The following GPLD1 variants were observed in gnomAD, a reference collection of about 807,000 sequenced individuals.
GPLD1 encodes phosphatidylinositol-glycan-specific phospholipase D.
A neutral mutation model predicts 112.6 loss-of-function variants in GPLD1; 84 were observed. The observed-to-expected ratio is 0.75, with a 90% CI of 0.63 to 0.89. The LOEUF is 0.89. Ranked by LOEUF, GPLD1 falls within the 40% of genes least tolerant of loss-of-function variation. The pLI, the probability that GPLD1 is intolerant of heterozygous loss-of-function variation, is 0.00. For synonymous variants in GPLD1, 386 were observed against 403.8 expected, an observed-to-expected ratio of 0.96 and a Z score of 0.53; for missense variants, 1,044 against 1,051.5, an observed-to-expected ratio of 0.99 and a Z score of 0.10.
chr6:24,494,837 G>C (rs1037368657), intron 1 of GPLD1: 1 of 809,086 alleles, frequency 1.2e-6, no homozygotes, highest in African/African-American at 1.8e-5. Flanking sequence ...AAGACGCGGA[G>C]AGAGGGCGCT....
At position 24,433,407 on chromosome 6, in the gene GPLD1, G is replaced by C. The variant is rs756146601; in HGVS notation, c.2359-18C>G. ...TATTGGGCCTGAAGAAAAAAATTGAGGAGAGAGACAATGTTATTACTGTTT... is the reference window on the plus strand; with the variant it reads ...TATTGGGCCTGAAGAAAAAAATTGACGAGAGAGACAATGTTATTACTGTTT... On this transcript the variant is annotated intron_variant, in intron 22 of 24. Transcript: ENST00000230036. The C allele has an allele frequency of 8.9e-6, 14 of 1,578,832 alleles. No homozygotes were observed. Among genetic ancestry groups the C allele is most frequent in the Middle Eastern group, 1.8e-4 (1 of 5,692 alleles).
intron 1 of GPLD1, 114 bp from the exon 2 acceptor site, chr6:24,486,244 G>A (rs1581791737): frequency 2.7e-5 from 19 of 705,020 alleles, no homozygotes; most frequent in Middle Eastern, 3.4e-4. Context: ...TGTCAAGGAC[G>A]CAGGAAATGA....
intron 2 of GPLD1, among the ~76,000 whole-genome samples, chr6:24,485,508 TATC>T (rs1481589837): frequency 6.6e-6 from 1 of 152,078 alleles, no homozygotes; most frequent in Admixed American, 6.5e-5. Context: ...TTATGAGTCA[TATC>T]ATTAAAATCT....
rs1762269401 is a variant in GPLD1, at chr6:24,427,352, A to G, written c.*1680T>C. Reference sequence around the variant, plus strand: ...GGCTCAGGCCACATCTTTTCCCTCTAGTTCTTTTGGCACAAGTTGTAACCT... The same window carrying G: ...GGCTCAGGCCACATCTTTTCCCTCTGGTTCTTTTGGCACAAGTTGTAACCT... On this transcript the variant is annotated 3_prime_UTR_variant, in exon 25 of 25. Coordinates refer to ENST00000230036, the MANE Select transcript of GPLD1 (RefSeq NM_001503.4). Among the ~76,000 whole-genome samples, 1 of 152,130 alleles carries G rather than the reference A, an allele frequency of 6.6e-6. No homozygotes were observed. Among genetic ancestry groups the G allele is most frequent in the African/African-American group, 2.4e-5 (1 of 41,420 alleles).
In GPLD1 at chr6:24,446,922, C is replaced by G; in HGVS notation, c.1736G>C (p.Trp579Ser). The change falls in exon 18 of 25, where the codon TGG (tryptophan) becomes TCG (serine). Residue 579 changes from tryptophan to serine, a missense_variant. Coordinates refer to ENST00000230036, the MANE Select transcript of GPLD1 (RefSeq NM_001503.4). ...GACACCGTGAAGGGAATATCCAAACCAGGAGAAGTCTTCCTCGCCTCTCAC... is the reference window on the plus strand; with the variant it reads ...GACACCGTGAAGGGAATATCCAAACGAGGAGAAGTCTTCCTCGCCTCTCAC... ...WTVRGEEDFS[W>S]FGYSLHGVTV... 6.2e-7 allele frequency: 1 copy of G among 1,613,972 alleles called. No homozygotes were observed. The highest frequency in any genetic ancestry group is 2.2e-5 in the East Asian group (1 of 44,848).
chr6:24,495,246 G>C (rs1034294766), upstream of GPLD1: 34 of 1,524,542 alleles, frequency 2.2e-5, no homozygotes, highest in Non-Finnish European at 3.0e-5. Context: ...CCCGGCCAGC[G>C]GCGCCGCTCT....
chr6:24,492,505 C>CAAAAAAAAAAAAAAAAAAAAGGAAA (rs1764583086), upstream of GPLD1, among the ~76,000 whole-genome samples: 1 of 81,528 alleles, frequency 1.2e-5, no homozygotes. Context: ...GACCCTGACT[C>CAAAAAAAAAAAAAAAAAAAAGGAAA]AAAAAAAAAA....
intron 20 of GPLD1, among the ~76,000 whole-genome samples, chr6:24,441,306 C>CAAA (rs34247619): frequency 7.9e-6 from 1 of 127,344 alleles, no homozygotes; most frequent in Non-Finnish European, 1.7e-5. Flanking sequence ...GACTCTATCT[C>CAAA]AAAAAAAAAA....
chr6:24,464,253 T>G (rs1763525707), intron 10 of GPLD1, among the ~76,000 whole-genome samples: 1 of 152,188 alleles, frequency 6.6e-6, no homozygotes, highest in African/African-American at 2.4e-5. Flanking sequence ...ATGGTAAAAA[T>G]AGTATTGCTG....
rs72112585 is a variant in GPLD1, at chr6:24,427,845, CAAA to C, written c.*1184_*1186del. Reference sequence around the variant, plus strand: ...TGGGCAACAGAGCAAGACTCCGTCTCAAAAAAAAAAAAAAAAAAAAAGGACTAT... The same window carrying C: ...TGGGCAACAGAGCAAGACTCCGTCTCAAAAAAAAAAAAAAAAAAGGACTAT... On this transcript the variant is annotated 3_prime_UTR_variant, in exon 25 of 25. Coordinates refer to ENST00000230036, the MANE Select transcript of GPLD1 (RefSeq NM_001503.4). 1.3e-3 allele frequency among the ~76,000 whole-genome samples: 110 copies of C among 87,582 alleles called. No homozygotes were observed. The highest frequency in any genetic ancestry group is 5.6e-3 in the African/African-American group (104 of 18,648). The allele number at this position is 87,582 out of a possible 152,430, so 57.5% of individuals were successfully genotyped here.
intron 7 of GPLD1, among the ~76,000 whole-genome samples, chr6:24,471,255 G>A (rs1261822789): frequency 6.6e-6 from 1 of 152,154 alleles, no homozygotes; most frequent in Non-Finnish European, 1.5e-5. Context: ...CAACACTTGG[G>A]AGGCCAAGGT....
Position 24,489,423 on chromosome 6 carries a change from A to C in GPLD1, c.89T>G (p.Val30Gly), listed in dbSNP as rs753872655. The C allele has an allele frequency of 1.2e-6, 2 of 1,600,910 alleles. No homozygotes were observed. The highest frequency in any genetic ancestry group is 1.7e-5 in the Admixed American group (1 of 59,990). Residue 30 changes from valine to glycine, a missense_variant, in exon 1 of 25, where the codon GTA becomes GGA. Transcript: ENST00000230036. ...RGSPCGLSTHVEIGHRALEFL... is the reference protein window; with the variant it reads ...RGSPCGLSTHGEIGHRALEFL... ...AAGACACCAGTACTTACCTATTTCT[A>C]CGTGTGTTGAAAGGCCACACGGTGA...
chr6:24,472,285 T>C (rs1763851675), intron 7 of GPLD1, among the ~76,000 whole-genome samples: 1 of 152,128 alleles, frequency 6.6e-6, no homozygotes. Context: ...AGTTGGACAA[T>C]ACCAAGTATT....
intron 7 of GPLD1, among the ~76,000 whole-genome samples, chr6:24,469,233 ATCT>A (rs1240792474): frequency 4.0e-5 from 6 of 149,244 alleles, no homozygotes; most frequent in African/African-American, 1.5e-4. Flanking sequence ...TTCCTCAGGG[ATCT>A]AGAACTAGAA....
intron 20 of GPLD1, among the ~76,000 whole-genome samples, chr6:24,438,481 CTG>C (rs1762647809): frequency 6.6e-6 from 1 of 152,182 alleles, no homozygotes; most frequent in African/African-American, 2.4e-5. Flanking sequence ...GTGTGTAAAA[CTG>C]AGCTAATCTG....
Position 24,447,940 on chromosome 6 carries a change from C to T in GPLD1, c.1615G>A (p.Gly539Ser). 1 of 1,614,016 alleles carries T rather than the reference C, an allele frequency of 6.2e-7. No homozygotes were observed. Among genetic ancestry groups the T allele is most frequent in the African/African-American group, 1.3e-5 (1 of 74,976 alleles). ...DLVIGSPFAP[G>S]GGKQKGIVAA... is the part of the protein sequence containing the mutation. ...ACAATTCCCTTCTGCTTCCCTCCAC[C>T]TGGTGCAAAAGGGGAGCCGATGACC... is the stretch of plus-strand genomic sequence containing the variant. The change falls in exon 17 of 25, where the codon GGT (glycine) becomes AGT (serine). Residue 539 changes from glycine (G) to serine (S), a missense_variant. Physicochemically the swap from Gly to Ser is moderately conservative, Grantham distance 56 (BLOSUM62 0). Transcript: ENST00000230036.
At chr6:24,452,787 A>AAG (rs1255540892) in intron 14 of GPLD1, among the ~76,000 whole-genome samples, 1 of 151,026 alleles carries the variant, frequency 6.6e-6, no homozygotes. Context: ...AAAAAAAAAA[A>AAG]AGCAAGCACG....
chr6:24,456,673 C>A lies in GPLD1; in HGVS notation c.1009-36G>T, dbSNP rs202136100. The A allele has an allele frequency of 1.6e-5, 23 of 1,466,290 alleles. No homozygotes were observed. The East Asian group carries it at 4.4e-4, about 28-fold the overall frequency. 90.8% of individuals were successfully genotyped at this position (1,466,290 alleles called of 1,614,324 possible). ...AGAATCATTATAGACAGTAAAGACA[C>A]GTAGCATAATCAACAAAGCTACTGT... On this transcript the variant is annotated intron_variant, in intron 12 of 24. Transcript: ENST00000230036.
At chr6:24,474,529 A>G (rs1447848473) in intron 5 of GPLD1, among the ~76,000 whole-genome samples, 2 of 152,232 alleles carry the variant, frequency 1.3e-5, no homozygotes, top group Non-Finnish European at 1.5e-5. Context: ...TGAATAAAGC[A>G]TAAGATTTAT....
Sources: allele counts gnomAD v4.1 joint callset (sites outside exome capture counted in the v4.1 genomes callset), GRCh38; gene constraint gnomAD v4.1.1; transcripts MANE v1.5; gene names NCBI Gene and HGNC (gene_info 2026-07-23, HGNC 2026-07-21).